Variants in HS3ST5 observed in about 807,000 individuals in gnomAD.
The protein encoded by HS3ST5 is heparan sulfate glucosamine 3-O-sulfotransferase 5.
A neutral mutation model predicts 25.4 loss-of-function variants in HS3ST5; 10 were observed. The observed-to-expected ratio is 0.39, with a 90% confidence interval of 0.24 to 0.67. HS3ST5 has a LOEUF of 0.67. HS3ST5 is among the 30% of genes least tolerant of loss of function. HS3ST5 has a pLI of 0.44. For synonymous variants in HS3ST5, 170 were observed against 162.4 expected, an observed-to-expected ratio of 1.05 and a Z score of -0.36; for missense variants, 324 against 420.7, an observed-to-expected ratio of 0.77 and a Z score of 2.01.
chr6:114,115,271 T>G (rs2114859544), intron 3 of HS3ST5, among the ~76,000 whole-genome samples: 1 of 152,200 alleles, frequency 6.6e-6, no homozygotes, highest in Non-Finnish European at 1.5e-5. Flanking sequence ...TATAAAAGTC[T>G]CTCATAGACA....
At chr6:114,240,550 G>A (rs1000535710) in intron 1 of HS3ST5, among the ~76,000 whole-genome samples, 11 of 152,128 alleles carry the variant, frequency 7.2e-5, no homozygotes, top group African/African-American at 1.4e-4. Context: ...TGCTAAACAC[G>A]AAGCTGGTGT....
At chr6:114,240,959 G>A (rs1772086545) in intron 1 of HS3ST5, among the ~76,000 whole-genome samples, 1 of 152,082 alleles carries the variant, frequency 6.6e-6, no homozygotes, top group African/African-American at 2.4e-5. Flanking sequence ...AGGACACCGA[G>A]CAAGGTAGTT....
chr6:114,223,756 C>A (rs1308731423), intron 2 of HS3ST5, among the ~76,000 whole-genome samples: 1 of 151,672 alleles, frequency 6.6e-6, no homozygotes, highest in Non-Finnish European at 1.5e-5. Flanking sequence ...AATTTAGTGA[C>A]TGGTTAAGTA....
At chr6:114,060,158 C>T (rs529898124) in intron 4 of HS3ST5, among the ~76,000 whole-genome samples, 4 of 152,118 alleles carry the variant, frequency 2.6e-5, no homozygotes, top group South Asian at 2.1e-4. Flanking sequence ...GGATTACAGG[C>T]GTGCGCCACC....
intron 1 of HS3ST5, among the ~76,000 whole-genome samples, chr6:114,262,285 C>T (rs975067184): frequency 2.0e-5 from 3 of 152,194 alleles, no homozygotes; most frequent in South Asian, 2.1e-4. Flanking sequence ...CGGTGGCTCA[C>T]GCCTGCAATC....
intron 2 of HS3ST5, among the ~76,000 whole-genome samples, chr6:114,183,592 G>A (rs1203477423): frequency 6.6e-6 from 1 of 152,086 alleles, no homozygotes; most frequent in Non-Finnish European, 1.5e-5. Context: ...CACAGAAACT[G>A]GTACCAAGAA....
rs768880506 is a variant in HS3ST5 at position 114,072,813 on chromosome 6, CAA to C, written c.-32-9938_-32-9937del. 3.9e-5 allele frequency among the ~76,000 whole-genome samples: 6 copies of C among 152,186 alleles called. No individual in the cohort carries two copies. In the East Asian group the frequency reaches 7.7e-4, roughly 20 times the overall value. On this transcript the variant is annotated intron_variant, in intron 3 of 4. Transcript: ENST00000312719. The stretch of plus-strand genomic sequence containing the variant: ...AACTACTGTAAATTTCATATGGAAT[CAA>C]AAAAGAGCCCACATAGCCAAGACAA...
rs11961346 is a variant in HS3ST5 at position 114,158,564 on chromosome 6, G to A, written c.-33+9787C>T. Among the ~76,000 whole-genome samples, 152 of 152,310 alleles carry A rather than the reference G, an allele frequency of 1.0e-3. 1 individual carries two copies. The highest frequency in any genetic ancestry group is 3.6e-3 in the African/African-American group (148 of 41,568). On this transcript the variant is annotated intron_variant, in intron 3 of 4. Coordinates refer to ENST00000312719, the MANE Select transcript of HS3ST5 (RefSeq NM_153612.4). ...TCCACATAGCAGACAAAGAAAATGA[G>A]GCTGAGGGAGATGAAGCATTTGGCA...
At chr6:114,291,505 T>C (rs569367343) in intron 1 of HS3ST5, among the ~76,000 whole-genome samples, 12 of 152,304 alleles carry the variant, frequency 7.9e-5, no homozygotes, top group Admixed American at 3.9e-4. Flanking sequence ...TCTAGTTCCA[T>C]TTCCCCCATT....
chr6:114,099,636 G>A (rs1775624557), intron 3 of HS3ST5, among the ~76,000 whole-genome samples: 3 of 152,162 alleles, frequency 2.0e-5, no homozygotes, highest in African/African-American at 7.2e-5. Flanking sequence ...CTAGCATGGA[G>A]GGAAAGACCA....
At chr6:114,194,747 A>G (rs1780660636) in intron 2 of HS3ST5, among the ~76,000 whole-genome samples, 2 of 152,192 alleles carry the variant, frequency 1.3e-5, no homozygotes, top group African/African-American at 4.8e-5. Context: ...ATGGAGAGGC[A>G]TGAAGCTCAG....
intron 1 of HS3ST5, among the ~76,000 whole-genome samples, chr6:114,333,813 A>G (rs1465688037): frequency 6.6e-6 from 1 of 152,094 alleles, no homozygotes; most frequent in East Asian, 1.9e-4. Flanking sequence ...CAATGGGAAT[A>G]ATGTTCTTCA....
rs528447543 is a variant in HS3ST5, at chr6:114,166,830, C to T, written c.-33+1521G>A. On this transcript the variant is annotated intron_variant, in intron 3 of 4. Coordinates refer to ENST00000312719, the MANE Select transcript of HS3ST5 (RefSeq NM_153612.4). ...GTTGCATTTTAGCCTCTGAGTCAGA[C>T]TGAAAAAAAGTAGTTTGACTCCATC... is the stretch of plus-strand genomic sequence containing the variant. Among the ~76,000 whole-genome samples, 28 of 151,910 alleles carry T rather than the reference C, an allele frequency of 1.8e-4. 1 individual carries two copies. In the South Asian group the frequency reaches 5.8e-3, roughly 32 times the overall value.
At chr6:114,193,606 A>T (rs537851304) in intron 2 of HS3ST5, among the ~76,000 whole-genome samples, 5 of 152,310 alleles carry the variant, frequency 3.3e-5, no homozygotes, top group African/African-American at 1.2e-4. Context: ...CCTTATCTAT[A>T]TAATAGGAAA....
intron 3 of HS3ST5, among the ~76,000 whole-genome samples, chr6:114,130,486 C>A (rs1777272538): frequency 6.6e-6 from 1 of 152,112 alleles, no homozygotes; most frequent in Admixed American, 6.5e-5. Flanking sequence ...GCCTGTAATC[C>A]CAGTGCTTTG....
At chr6:114,092,412 A>G (rs1171100471) in intron 3 of HS3ST5, among the ~76,000 whole-genome samples, 1 of 152,184 alleles carries the variant, frequency 6.6e-6, no homozygotes, top group Admixed American at 6.5e-5. Flanking sequence ...TTTTAATATC[A>G]TTGAAGAAAT....
chr6:114,062,166 T>C (rs552389554), intron 4 of HS3ST5, among the ~76,000 whole-genome samples: 2 of 152,272 alleles, frequency 1.3e-5, no homozygotes, highest in Non-Finnish European at 2.9e-5. Context: ...GGATTTCCCA[T>C]TGCTTTCTGG....
At position 114,057,269 on chromosome 6, in the gene HS3ST5, C is replaced by T; in HGVS notation, c.1029G>A (p.Leu343=). 1 of 1,611,684 alleles carries T rather than the reference C, an allele frequency of 6.2e-7. No individual in the cohort carries two copies. Among genetic ancestry groups the T allele is most frequent in the Non-Finnish European group, 8.5e-7 (1 of 1,178,194 alleles). ...QKFYQITGRT[L]NWP ...ATGACATATTATTTTAGGGCCAGTT[C>T]AATGTCCTCCCAGTGATCTGGTAAA... is the stretch of plus-strand genomic sequence containing the variant. The change falls in exon 5 of 5, where the codon TTG becomes TTA. Residue 343 remains leucine, a synonymous_variant. Coordinates refer to ENST00000312719, the MANE Select transcript of HS3ST5 (RefSeq NM_153612.4).
At chr6:114,229,762 C>T (rs1771485884) in intron 1 of HS3ST5, among the ~76,000 whole-genome samples, 1 of 152,194 alleles carries the variant, frequency 6.6e-6, no homozygotes, top group African/African-American at 2.4e-5. Flanking sequence ...TTCTCTCTTT[C>T]ACACATTTGC....
Sources: allele counts gnomAD v4.1 joint callset (sites outside exome capture counted in the v4.1 genomes callset), GRCh38; gene constraint gnomAD v4.1.1; transcripts MANE v1.5; gene names NCBI Gene and HGNC (gene_info 2026-07-23, HGNC 2026-07-21).